Variants in SMIM22 observed in about 807,000 individuals in gnomAD.
SMIM22 encodes cancer associated small integral membrane open reading frame 1.
Under a neutral mutation model 8.4 loss-of-function variants are expected in SMIM22, and 16 were observed. The observed-to-expected ratio is 1.90, with a 90% CI of 1.29 to 2.89. The LOEUF (loss-of-function observed/expected upper bound fraction) is 2.89, where lower values mean the gene tolerates loss of function less well. SMIM22 is among the 30% of genes most tolerant of loss of function. The pLI, the probability that SMIM22 is intolerant of heterozygous loss-of-function variation, is 0.00. For synonymous variants in SMIM22, 67 were observed against 47.6 expected (o/e 1.41, Z -1.68); for missense variants, 159 against 107.5 (o/e 1.48, Z -2.12).
upstream of SMIM22, chr16:4,795,032 A>G (rs1465363509): frequency 6.6e-6 from 1 of 152,484 alleles, no homozygotes; most frequent in Non-Finnish European, 1.5e-5. Flanking sequence ...CAACTCTATG[A>G]TGCAGGCACA....
chr16:4,790,242 T>C (rs1567581016), intron 2 of SMIM22, among the ~76,000 whole-genome samples: 2 of 152,228 alleles, frequency 1.3e-5, no homozygotes, highest in Non-Finnish European at 2.9e-5. Flanking sequence ...TTTTAGGCTT[T>C]GCTGGTCCTA....
At chr16:4,795,618 C>A (rs898194569) in intron 1 of SMIM22, 97 bp from the exon 2 acceptor site, 2 of 1,417,184 alleles carry the variant, frequency 1.4e-6, no homozygotes, top group African/African-American at 2.9e-5. Flanking sequence ...TGGCGCTGGG[C>A]CAGGAGCGGG....
intron 2 of SMIM22, among the ~76,000 whole-genome samples, chr16:4,789,105 G>A (rs879783644): frequency 2.0e-5 from 3 of 152,064 alleles, no homozygotes; most frequent in Non-Finnish European, 2.9e-5. Flanking sequence ...TGCAACCTCC[G>A]CCTCCTGGGT....
intron 1 of SMIM22, 61 bp from the exon 2 acceptor site, chr16:4,795,654 G>T (rs2082625963): frequency 6.7e-7 from 1 of 1,498,596 alleles, no homozygotes; most frequent in Non-Finnish European, 8.9e-7. Flanking sequence ...GGGAAGCCTG[G>T]ATGTGGTCCC....
rs1276421786 is a variant in SMIM22 at position 4,795,985 on chromosome 16, C to T, written c.162C>T (p.His54=). ...VLLLLLLVVA[H]CCCCSSPGPR... ...TCCTGCTGCTGCTGGTCGTCGCCCA[C>T]TGCTGCTGCTGCAGCTCCCCCGGGC... Residue 54 remains histidine, a synonymous_variant, in exon 3 of 4, where the codon CAC becomes CAT. Coordinates refer to ENST00000586005, the MANE Select transcript of SMIM22 (RefSeq NM_001253794.2). 1.3e-6 allele frequency: 2 copies of T among 1,504,108 alleles called. No individual in the cohort carries two copies. The highest frequency in any genetic ancestry group is 1.8e-6 in the Non-Finnish European group (2 of 1,130,484). 93.2% of individuals were successfully genotyped at this position (1,504,108 alleles called of 1,614,324 possible). A position where few individuals can be genotyped will look rare whatever the true frequency, so the allele number is the denominator to read the frequency against.
upstream of SMIM22, among the ~76,000 whole-genome samples, chr16:4,794,048 G>A (rs1295278377): frequency 6.6e-6 from 1 of 152,086 alleles, no homozygotes; most frequent in African/African-American, 2.4e-5. Flanking sequence ...CGATTCTCCT[G>A]CCTCAGCCTC....
At chr16:4,790,481 A>G (rs575650957), upstream of SMIM22, among the ~76,000 whole-genome samples, 1 of 152,186 alleles carries the variant, frequency 6.6e-6, no homozygotes, top group South Asian at 2.1e-4. Context: ...TGGAGGCTTA[A>G]CCTTAAAGGC....
chr16:4,791,406 T>C (rs932255592), upstream of SMIM22, among the ~76,000 whole-genome samples: 7 of 152,344 alleles, frequency 4.6e-5, no homozygotes, highest in African/African-American at 1.4e-4. Context: ...TGCACGTTTC[T>C]GTGAGCCTTC....
At chr16:4,790,790 G>GTAAATAAA (rs574580783), upstream of SMIM22, among the ~76,000 whole-genome samples, 21 of 152,132 alleles carry the variant, frequency 1.4e-4, no homozygotes, top group Non-Finnish European at 2.5e-4. Flanking sequence ...CCCTAGCTCA[G>GTAAATAAA]TAAATAAATA....
upstream of SMIM22, among the ~76,000 whole-genome samples, chr16:4,792,096 G>A (rs1278110155): frequency 6.6e-6 from 1 of 152,194 alleles, no homozygotes; most frequent in Non-Finnish European, 1.5e-5. Flanking sequence ...AGAGAGACAG[G>A]AAGACTGAGG....
At chr16:4,796,133 C>T (rs2082640863) in intron 3 of SMIM22, 57 bp from the exon 4 acceptor site, 4 of 1,535,826 alleles carry the variant, frequency 2.6e-6, no homozygotes, top group Non-Finnish European at 3.5e-6. Context: ...GAAGGGTGCT[C>T]ATCCCCCTAG....
chr16:4,796,205 G>A lies in SMIM22; in HGVS notation c.241G>A (p.Val81Met). ...TCTCGTGCAGGAAAGACCCAAGGGA[G>A]TGGATAACTTGGCCCTGGAACCCTG... ...VSPWKERPKG[V>M]DNLALEP The change falls in exon 4 of 4, where the codon GTG (valine) becomes ATG (methionine). Residue 81 changes from valine to methionine, a missense_variant. Transcript: ENST00000586005. 1.3e-6 allele frequency: 2 copies of A among 1,536,006 alleles called. No individual in the cohort carries two copies. The highest frequency in any genetic ancestry group is 1.7e-6 in the Non-Finnish European group (2 of 1,146,854).
upstream of SMIM22, among the ~76,000 whole-genome samples, chr16:4,794,099 G>C (rs184609474): frequency 2.7e-5 from 4 of 147,258 alleles, no homozygotes; most frequent in African/African-American, 1.0e-4. Context: ...CCACAGCGGG[G>C]TAATTTTTGT....
chr16:4,791,829 T>A (rs2082555618), upstream of SMIM22, among the ~76,000 whole-genome samples: 1 of 151,628 alleles, frequency 6.6e-6, no homozygotes, highest in Admixed American at 6.6e-5. Context: ...CTGGGATTAC[T>A]GGCACCAACC....
Position 4,795,613 on chromosome 16 carries a change from C to G in SMIM22, c.-20-102C>G. The G allele has an allele frequency of 1.7e-5, 24 of 1,395,770 alleles. No homozygotes were observed. In the Admixed American group the frequency reaches 1.8e-4, roughly 11 times the overall value. 86.5% of individuals were successfully genotyped at this position (1,395,770 alleles called of 1,614,324 possible). A position where few individuals can be genotyped will look rare whatever the true frequency, so the allele number is the denominator to read the frequency against. ...GTGGGAGGGGGTGGGGAAGCTGGCGCTGGGCCAGGAGCGGGCAGTGGCTGG... is the reference window on the plus strand; with the variant it reads ...GTGGGAGGGGGTGGGGAAGCTGGCGGTGGGCCAGGAGCGGGCAGTGGCTGG... On this transcript the variant is annotated intron_variant, in intron 1 of 3. Coordinates refer to ENST00000586005, the MANE Select transcript of SMIM22 (RefSeq NM_001253794.2).
upstream of SMIM22, among the ~76,000 whole-genome samples, chr16:4,791,518 A>T (rs1318045088): frequency 2.0e-5 from 3 of 152,152 alleles, no homozygotes; most frequent in Non-Finnish European, 4.4e-5. Flanking sequence ...ACAGATGAGT[A>T]TACTGAGGCA....
At chr16:4,794,663 A>C (rs967669179), upstream of SMIM22, among the ~76,000 whole-genome samples, 5 of 145,526 alleles carry the variant, frequency 3.4e-5, no homozygotes, top group African/African-American at 1.3e-4. Flanking sequence ...GCCTCAGCTG[A>C]CCCGCCTCTG....
chr16:4,793,128 A>AC (rs1010231532), upstream of SMIM22, among the ~76,000 whole-genome samples: 20 of 151,436 alleles, frequency 1.3e-4, no homozygotes, highest in African/African-American at 4.9e-4. Flanking sequence ...AAAAAAAAAA[A>AC]AAGGGAGGGA....
intron 2 of SMIM22, chr16:4,789,818 G>C (rs550795763): frequency 1.3e-5 from 2 of 152,060 alleles, no homozygotes; most frequent in East Asian, 3.9e-4. Flanking sequence ...TTGTTTCCTG[G>C]TACTTGACTT....
Sources: gnomAD v4.1 joint callset for allele counts (sites outside exome capture counted in the v4.1 genomes callset) on GRCh38, gnomAD v4.1.1 for gene constraint, MANE v1.5 for transcripts, NCBI Gene and HGNC (gene_info 2026-07-23, HGNC 2026-07-21) for gene names.